Variants in PCNX2 observed in about 807,000 individuals in gnomAD.
The protein encoded by PCNX2 is pecanex 2, also known as pecanex-like protein 2.
PCNX2 carries 168 observed loss-of-function variants against 223.8 expected under a neutral mutation model. The ratio of observed to expected loss-of-function variants is 0.75; its 90% confidence interval spans 0.66 to 0.85. The LOEUF (loss-of-function observed/expected upper bound fraction) is 0.85, where lower values mean the gene tolerates loss of function less well. PCNX2 is among the 40% of genes least tolerant of loss of function. The pLI is 0.00. For missense variants in PCNX2, 2,507 were observed against 2,675.5 expected, an observed-to-expected ratio of 0.94 and a Z score of 1.39; for synonymous variants, 1,006 against 1,052.6, an observed-to-expected ratio of 0.96 and a Z score of 0.86.
intron 1 of PCNX2, among the ~76,000 whole-genome samples, chr1:233,284,480 T>C (rs1661344804): frequency 1.3e-5 from 2 of 152,130 alleles, no homozygotes. Context: ...CTTCCTCCTC[T>C]GGGAAGCCTT....
intron 19 of PCNX2, among the ~76,000 whole-genome samples, chr1:233,148,744 C>CTCCTA (rs1470082866): frequency 6.6e-6 from 1 of 152,160 alleles, no homozygotes; most frequent in East Asian, 1.9e-4. Flanking sequence ...ATCCTCCTAC[C>CTCCTA]AATCTCAGCA....
At position 233,216,826 on chromosome 1, in the gene PCNX2, A is replaced by C. The variant is rs184757683; in HGVS notation, c.2691+1073T>G. 7.7e-4 allele frequency among the ~76,000 whole-genome samples: 117 copies of C among 152,298 alleles called. 1 individual carries two copies. Among genetic ancestry groups the C allele is most frequent in the Non-Finnish European group, 1.4e-3 (92 of 68,032 alleles). The stretch of plus-strand genomic sequence containing the variant: ...AACCTAAATGTCCATCAACACATGA[A>C]TGGATAAAGAAGATGTGGTATATAT... On this transcript the variant is annotated intron_variant, in intron 12 of 33. Coordinates refer to ENST00000258229, the MANE Select transcript of PCNX2 (RefSeq NM_014801.4).
rs536775937 is a variant in PCNX2, at chr1:233,286,520, C to T, written c.153+8806G>A. The stretch of plus-strand genomic sequence containing the variant: ...TGTGGACGTTGACATGGACTATGTA[C>T]GCGAGAATCTGTATAGATCTGCTTT... On this transcript the variant is annotated intron_variant, in intron 1 of 33. Transcript: ENST00000258229. 1.4e-4 allele frequency among the ~76,000 whole-genome samples: 21 copies of T among 152,232 alleles called. No homozygotes were observed. The South Asian group carries it at 1.9e-3, about 14-fold the overall frequency.
intron 8 of PCNX2, among the ~76,000 whole-genome samples, chr1:233,247,044 G>A (rs971954713): frequency 2.8e-4 from 43 of 152,182 alleles, no homozygotes; most frequent in Non-Finnish European, 5.6e-4. Flanking sequence ...GTCAGACTCT[G>A]GGGAGATGTT....
chr1:233,068,876 T>C (rs572981890), intron 23 of PCNX2, among the ~76,000 whole-genome samples: 19 of 152,030 alleles, frequency 1.2e-4, no homozygotes, highest in Admixed American at 4.6e-4. Context: ...CAAACATAAA[T>C]ACACCAGAAC....
At chr1:233,266,073 A>G (rs1041732153) in intron 1 of PCNX2, among the ~76,000 whole-genome samples, 3 of 152,218 alleles carry the variant, frequency 2.0e-5, no homozygotes, top group Non-Finnish European at 2.9e-5. Context: ...GCACTTTGTC[A>G]TATCTGCAGC....
rs743194 is a variant in PCNX2, at chr1:232,991,408, G to C, written c.5792-4868C>G. On this transcript the variant is annotated intron_variant, in intron 32 of 33. Coordinates refer to ENST00000258229, the MANE Select transcript of PCNX2 (RefSeq NM_014801.4). This position sits in a 1 kb window ranked among gnomAD's most constrained non-coding sequence, Gnocchi z 4.3. ...GAAGGGAGAGAAGGCGTGAGAGAGA[G>C]AGCAGACCAGATGGGGGCCTGCGGG... Among the ~76,000 whole-genome samples, 32,679 of 151,914 alleles carry C rather than the reference G, an allele frequency of 0.22. 3,685 individuals carry two copies. The highest frequency in any genetic ancestry group is 0.28 in the African/African-American group (11,679 of 41,382).
At chr1:233,250,714 A>T in intron 8 of PCNX2, 25 bp downstream of exon 8, 1 of 1,580,018 alleles carries the variant, frequency 6.3e-7, no homozygotes, top group Non-Finnish European at 8.6e-7. Context: ...ACAGCTCTCA[A>T]GCCTGGAAAC....
At chr1:233,112,715 A>G in intron 21 of PCNX2, 1 of 644,094 alleles carries the variant, frequency 1.6e-6, no homozygotes, top group South Asian at 3.5e-5. Flanking sequence ...ATCTTTGAAC[A>G]ATATAACTAA....
rs1013868665 is a variant in PCNX2, at chr1:233,001,171, G to A, written c.5097+366C>T. ...ACCTTAACCTCCCGAGTAGCTGAGC[G>A]ATAGTTTTTTCTAAAAAAATAGGTT... is the stretch of plus-strand genomic sequence containing the variant. On this transcript the variant is annotated intron_variant, in intron 29 of 33. Coordinates refer to ENST00000258229, the MANE Select transcript of PCNX2 (RefSeq NM_014801.4). The surrounding 1 kb of genome is among the most constrained non-coding windows in gnomAD (Gnocchi z 4.2). Among the ~76,000 whole-genome samples, 8 of 152,020 alleles carry A rather than the reference G, an allele frequency of 5.3e-5. No homozygotes were observed. The highest frequency in any genetic ancestry group is 8.8e-5 in the Non-Finnish European group (6 of 68,006).
At chr1:233,172,086 TGGTCTATAAATTTTAAA>T (rs1397849414) in intron 17 of PCNX2, among the ~76,000 whole-genome samples, 1 of 152,228 alleles carries the variant, frequency 6.6e-6, no homozygotes, top group Non-Finnish European at 1.5e-5. Context: ...ATATTTTCTA[TGGTCTATAAATTTTAAA>T]GCTTGCCTTT....
intron 17 of PCNX2, among the ~76,000 whole-genome samples, chr1:233,176,849 T>A (rs1679504460): frequency 6.6e-6 from 1 of 151,974 alleles, no homozygotes; most frequent in South Asian, 2.1e-4. Context: ...CCGTCTCTAC[T>A]AAAAAAATAC....
intron 20 of PCNX2, among the ~76,000 whole-genome samples, chr1:233,138,883 G>T (rs1401732948): frequency 6.6e-6 from 1 of 152,160 alleles, no homozygotes; most frequent in Non-Finnish European, 1.5e-5. Context: ...TTTTATCTTA[G>T]CCTGCTCAAT....
chr1:233,018,925 G>A (rs539187225), intron 26 of PCNX2: 23 of 985,390 alleles, frequency 2.3e-5, no homozygotes, highest in Middle Eastern at 5.2e-4. Context: ...TTGGGTGGAC[G>A]GAAACGAAGT....
chr1:233,185,257 G>C (rs988120771), intron 15 of PCNX2, among the ~76,000 whole-genome samples: 8 of 152,014 alleles, frequency 5.3e-5, no homozygotes, highest in African/African-American at 1.7e-4. Context: ...CTTCAAGAAA[G>C]ATTACCTTTA....
the PCNX2 span, among the ~76,000 whole-genome samples, chr1:233,323,869 T>C: frequency 1.3e-5 from 2 of 152,200 alleles, no homozygotes; most frequent in African/African-American, 4.8e-5. Flanking sequence ...AAGCTAGAAA[T>C]GATTAAGCTT....
chr1:233,014,559 T>TA (rs748780657), intron 28 of PCNX2, 106 bp downstream of exon 28: 3 of 805,226 alleles, frequency 3.7e-6, no homozygotes, highest in Non-Finnish European at 6.1e-6. Flanking sequence ...CTGAAAGTAG[T>TA]ATAATAAGTC....
intron 31 of PCNX2, 103 bp from the exon 32 acceptor site, chr1:232,998,541 C>T (rs1330468602): frequency 3.1e-6 from 4 of 1,311,240 alleles, no homozygotes; most frequent in Non-Finnish European, 4.2e-6. Flanking sequence ...AGAGCGTGCT[C>T]TCCAGGTGAG....
At chr1:233,250,678 T>C in intron 8 of PCNX2, 61 bp downstream of exon 8, 2 of 1,510,734 alleles carry the variant, frequency 1.3e-6, no homozygotes, top group Non-Finnish European at 1.8e-6. Flanking sequence ...CACTTTATCT[T>C]CATCGCTGTG....
Sources: allele counts gnomAD v4.1 joint callset (sites outside exome capture counted in the v4.1 genomes callset), GRCh38; gene constraint gnomAD v4.1.1; non-coding constraint Gnocchi (gnomAD v3.1); transcripts MANE v1.5; gene names NCBI Gene and HGNC (gene_info 2026-07-23, HGNC 2026-07-21).